The following IRAK4 variants were observed in gnomAD, a reference collection of about 807,000 sequenced individuals.
The protein encoded by IRAK4 is interleukin-1 receptor-associated kinase 4.
IRAK4 carries 44 observed loss-of-function variants against 51.8 expected under a neutral mutation model. The ratio of observed to expected loss-of-function variants is 0.85; its 90% CI spans 0.67 to 1.09. IRAK4 has a LOEUF of 1.09. IRAK4 is among the 50% of genes least tolerant of loss of function. The probability of loss-of-function intolerance (pLI) is 0.00; values close to 1 mark genes in which losing one functional copy is unlikely to be tolerated. For synonymous variants in IRAK4, 149 were observed against 174.1 expected (o/e 0.86, Z 1.13); for missense variants, 487 against 538.0 (o/e 0.91, Z 0.94).
intron 8 of IRAK4, among the ~76,000 whole-genome samples, chr12:43,780,010 A>C (rs1261551051): frequency 6.6e-6 from 1 of 152,188 alleles, no homozygotes; most frequent in Non-Finnish European, 1.5e-5. Flanking sequence ...GATCACAAAA[A>C]GGAATCTAAG....
intron 8 of IRAK4, among the ~76,000 whole-genome samples, chr12:43,780,062 G>A (rs1941640531): frequency 1.3e-5 from 2 of 152,178 alleles, no homozygotes; most frequent in African/African-American, 4.8e-5. Flanking sequence ...AACCTGGAGA[G>A]TGTGGAGTCC....
At position 43,768,161 on chromosome 12, in the gene IRAK4, G is replaced by A. The variant is rs778057572; in HGVS notation, c.50G>A (p.Gly17Glu). ...ACATATGTGCGCTGCCTCAATGTTG[G>A]ACTAATTAGGAAGCTGTCAGATTTT... ...PSTYVRCLNV[G>E]LIRKLSDFID... Residue 17 changes from glycine (G) to glutamate (E), a missense_variant, in exon 2 of 12, where the codon GGA becomes GAA. Transcript: ENST00000613694. The A allele has an allele frequency of 9.3e-6, 15 of 1,613,458 alleles. No individual in the cohort carries two copies. Among genetic ancestry groups the A allele is most frequent in the Admixed American group, 3.3e-5 (2 of 59,926 alleles).
chr12:43,774,143 T>G, intron 6 of IRAK4, 114 bp downstream of exon 6: 1 of 745,722 alleles, frequency 1.3e-6, no homozygotes, highest in South Asian at 1.5e-5. Context: ...TATATGAAAT[T>G]AAAATAAAGT....
At chr12:43,771,068 C>T (rs1193217292) in intron 2 of IRAK4, 152 bp from the exon 3 acceptor site, 2 of 736,070 alleles carry the variant, frequency 2.7e-6, no homozygotes, top group Admixed American at 4.0e-5. Context: ...TAACCAGATG[C>T]AGCCTCTCGA....
chr12:43,769,395 C>G (rs535243449), intron 2 of IRAK4, among the ~76,000 whole-genome samples: 2 of 152,288 alleles, frequency 1.3e-5, no homozygotes, highest in Admixed American at 1.3e-4. Context: ...CACAGTGGCT[C>G]ATGCCTGTAA....
At chr12:43,778,596 C>G (rs1018781864) in intron 8 of IRAK4, among the ~76,000 whole-genome samples, 1 of 152,074 alleles carries the variant, frequency 6.6e-6, no homozygotes, top group African/African-American at 2.4e-5. Context: ...GTTTATGGAT[C>G]ACTATTCTTT....
chr12:43,763,505 T>C (rs192825012), intron 1 of IRAK4: 2 of 152,326 alleles, frequency 1.3e-5, no homozygotes, highest in African/African-American at 2.4e-5. Flanking sequence ...TTTATGATTA[T>C]TTTAAATGAA....
chr12:43,766,007 G>A (rs1474348429), intron 1 of IRAK4, among the ~76,000 whole-genome samples: 3 of 152,106 alleles, frequency 2.0e-5, no homozygotes, highest in Middle Eastern at 3.2e-3. Context: ...TATTGCAGAA[G>A]TTTTCAAACT....
chr12:43,783,254 G>C (rs1412630641), intron 9 of IRAK4, among the ~76,000 whole-genome samples: 1 of 151,842 alleles, frequency 6.6e-6, no homozygotes, highest in Non-Finnish European at 1.5e-5. Flanking sequence ...TTGTAAGCAA[G>C]ATTCATATTC....
chr12:43,784,652 G>C (rs139783153), intron 10 of IRAK4, among the ~76,000 whole-genome samples: 220 of 152,302 alleles, frequency 1.4e-3, no homozygotes, highest in Non-Finnish European at 2.7e-3. Flanking sequence ...TTTGGCTTGA[G>C]TAAGAATGAA....
intron 1 of IRAK4, among the ~76,000 whole-genome samples, chr12:43,759,882 A>G (rs1939287615): frequency 1.3e-5 from 2 of 152,008 alleles, no homozygotes; most frequent in Non-Finnish European, 1.5e-5. Flanking sequence ...GAAAAAAAAA[A>G]AAAAAAAAGC....
chr12:43,774,895 A>G lies in IRAK4; in HGVS notation c.716+866A>G, dbSNP rs184912356. Among the ~76,000 whole-genome samples, 17 of 152,322 alleles carry G rather than the reference A, an allele frequency of 1.1e-4. No individual in the cohort carries two copies. The East Asian group carries it at 3.3e-3, about 29-fold the overall frequency. On this transcript the variant is annotated intron_variant, in intron 6 of 11. Transcript: ENST00000613694. Reference sequence around the variant, plus strand: ...TGCCAGACATTGTGCTATGTACTTTATGTGCATTGTCTGTCTAACCCTTAC... The same window carrying G: ...TGCCAGACATTGTGCTATGTACTTTGTGTGCATTGTCTGTCTAACCCTTAC...
At chr12:43,776,169 C>T (rs1227852254) in intron 6 of IRAK4, among the ~76,000 whole-genome samples, 1 of 152,026 alleles carries the variant, frequency 6.6e-6, no homozygotes, top group African/African-American at 2.4e-5. Context: ...TGCGCCCGGC[C>T]TATTATTACA....
At chr12:43,781,879 T>A (rs1008030530) in intron 8 of IRAK4, among the ~76,000 whole-genome samples, 5 of 152,214 alleles carry the variant, frequency 3.3e-5, no homozygotes, top group African/African-American at 1.2e-4. Context: ...ATAATTGAGA[T>A]ACTTTGGTTG....
intron 8 of IRAK4, 40 bp from the exon 9 acceptor site, chr12:43,782,267 G>A: frequency 6.7e-7 from 1 of 1,486,620 alleles, no homozygotes; most frequent in Non-Finnish European, 9.4e-7. Context: ...TTTTGGGGTG[G>A]GAAAAACATT....
chr12:43,767,865 G>A (rs1302026898), intron 1 of IRAK4, among the ~76,000 whole-genome samples: 1 of 152,042 alleles, frequency 6.6e-6, no homozygotes, highest in African/African-American at 2.4e-5. Context: ...AAAGTCCTCC[G>A]ATTTTTATTG....
intron 4 of IRAK4, 103 bp from the exon 5 acceptor site, chr12:43,772,809 A>T: frequency 1.2e-6 from 1 of 848,398 alleles, no homozygotes; most frequent in South Asian, 1.7e-5. Context: ...CTAATTCAAA[A>T]TCATAAATAT....
At chr12:43,778,495 T>C (rs1292905637) in intron 8 of IRAK4, among the ~76,000 whole-genome samples, 193 bp downstream of exon 8, 1 of 152,226 alleles carries the variant, frequency 6.6e-6, no homozygotes, top group Non-Finnish European at 1.5e-5. Flanking sequence ...CTTCCAGTAC[T>C]CATCCTACTT....
At chr12:43,781,287 C>A (rs1941757765) in intron 8 of IRAK4, among the ~76,000 whole-genome samples, 1 of 152,178 alleles carries the variant, frequency 6.6e-6, no homozygotes, top group Non-Finnish European at 1.5e-5. Flanking sequence ...TAAATCCAGC[C>A]TATCAGTTCT....
Sources: gnomAD v4.1 joint callset for allele counts (sites outside exome capture counted in the v4.1 genomes callset) on GRCh38, gnomAD v4.1.1 for gene constraint, MANE v1.5 for transcripts, NCBI Gene and HGNC (gene_info 2026-07-23, HGNC 2026-07-21) for gene names.